Variants in FLT4 observed in about 807,000 individuals in gnomAD.
FLT4 encodes vascular endothelial growth factor receptor 3.
Under a neutral mutation model 163.2 loss-of-function variants are expected in FLT4, and 30 were observed. The ratio of observed to expected loss-of-function variants is 0.18; its 90% CI spans 0.14 to 0.25. The LOEUF (loss-of-function observed/expected upper bound fraction) is 0.25. FLT4 is among the 10% of genes least tolerant of loss of function. The pLI, the probability that FLT4 is intolerant of heterozygous loss-of-function variation, is 1.00. For missense variants in FLT4, 1,510 were observed against 1,863.8 expected (o/e 0.81, Z 3.50); for synonymous variants, 884 against 789.5 (o/e 1.12, Z -2.01).
chr5:180,643,431 G>A (rs547976730), intron 1 of FLT4, among the ~76,000 whole-genome samples: 45 of 152,260 alleles, frequency 3.0e-4, no homozygotes, highest in African/African-American at 9.9e-4. Context: ...CATTGCAGGC[G>A]TGCTGTCCCT....
chr5:180,648,779 C>CG (rs1561768843), intron 1 of FLT4, among the ~76,000 whole-genome samples: 1 of 152,222 alleles, frequency 6.6e-6, no homozygotes, highest in East Asian at 1.9e-4. Flanking sequence ...GACCCTCCCG[C>CG]GGGGGCCTCT....
intron 20 of FLT4, 28 bp from the exon 21 acceptor site, chr5:180,618,948 G>A (rs925674430): frequency 5.8e-6 from 9 of 1,562,382 alleles, no homozygotes; most frequent in Middle Eastern, 1.7e-4. Context: ...TGGCTCGAGG[G>A]CGCCCAGTCG....
At position 180,631,801 on chromosome 5, in the gene FLT4, C is replaced by T. The variant is rs773562174; in HGVS notation, c.59-23G>A. The stretch of plus-strand genomic sequence containing the variant: ...GGCCTGGGGTGGGAGACAGGGTCAG[C>T]GTGGTGCTGGGCTGTGACTTGGCAC... On this transcript the variant is annotated intron_variant, in intron 1 of 29. Transcript: ENST00000261937. The T allele has an allele frequency of 1.7e-5, 27 of 1,549,258 alleles. 1 individual carries two copies. In the Middle Eastern group the frequency reaches 2.9e-3, roughly 164 times the overall value.
intron 21 of FLT4, 32 bp from the exon 22 acceptor site, chr5:180,617,026 C>T (rs774348412): frequency 8.5e-6 from 13 of 1,521,694 alleles, no homozygotes; most frequent in South Asian, 2.2e-5. Context: ...GCTCAGGAGG[C>T]GCCTCCTCCG....
chr5:180,612,583 C>T lies in FLT4; in HGVS notation c.3460G>A (p.Gly1154Arg), dbSNP rs75614493. ...AATGCAGGTCTCGCCTTGGGGTCTC[C>T]GGACCAGCAGTTCAGCATGATGCGG... ...IRRIMLNCWS[G>R]DPKARPAFSE... The change falls in exon 26 of 30, where the codon GGA becomes AGA. Residue 1154 changes from glycine (G) to arginine (R), a missense_variant. By Grantham distance (125) the Gly-to-Arg change is moderately radical (BLOSUM62 -2). Coordinates refer to ENST00000261937, the MANE Select transcript of FLT4 (RefSeq NM_182925.5). 2,016 of 1,613,948 alleles carry T rather than the reference C, an allele frequency of 1.2e-3. 22 individuals are homozygous for T. In the African/African-American group the frequency reaches 0.017, roughly 14 times the overall value.
Position 180,607,403 on chromosome 5 carries a change from G to A in FLT4, c.3893+1565C>T, listed in dbSNP as rs1047801295. Among the ~76,000 whole-genome samples the A allele has an allele frequency of 5.3e-4, 81 of 152,258 alleles. 1 individual carries two copies. The highest frequency in any genetic ancestry group is 1.8e-3 in the African/African-American group (74 of 41,556). On this transcript the variant is annotated intron_variant, in intron 29 of 29. Coordinates refer to ENST00000261937, the MANE Select transcript of FLT4 (RefSeq NM_182925.5). The stretch of plus-strand genomic sequence containing the variant: ...TGTAATCCCAGCACTTTGGGAGGCC[G>A]AGGGCGGGCGGATCACGAGGTCAGG...
rs1230288311 is a variant in FLT4 at position 180,624,079 on chromosome 5, G to A, written c.1422-18C>T. The A allele has an allele frequency of 1.9e-6, 3 of 1,609,930 alleles. No individual in the cohort carries two copies. Among genetic ancestry groups the A allele is most frequent in the East Asian group, 2.2e-5 (1 of 44,884 alleles). ...GCCGCCGGCTGCCAGGACCAGAAGA[G>A]GCAAGGGCAGGTCAGGGATACAGGC... On this transcript the variant is annotated intron_variant, in intron 10 of 29. Transcript: ENST00000261937.
At chr5:180,625,785 G>T in intron 10 of FLT4, 84 bp downstream of exon 10, 1 of 1,292,094 alleles carries the variant, frequency 7.7e-7, no homozygotes, top group Non-Finnish European at 1.1e-6. Context: ...CCTGGGCAGT[G>T]AGGGGTGCTG....
chr5:180,621,986 G>GACTC, intron 12 of FLT4, 82 bp from the exon 13 acceptor site: 1 of 1,300,814 alleles, frequency 7.7e-7, no homozygotes, highest in Non-Finnish European at 1.1e-6. Flanking sequence ...GTCTCCTCCT[G>GACTC]CCTCCCTCCC....
rs2127827139 is a variant in FLT4 at position 180,625,976 on chromosome 5, G to A, written c.1314C>T (p.His438=). 3 of 1,612,798 alleles carry A rather than the reference G, an allele frequency of 1.9e-6. No homozygotes were observed. Among genetic ancestry groups the A allele is most frequent in the Non-Finnish European group, 2.5e-6 (3 of 1,179,958 alleles). ...EASSPSIYSR[H]SRQALTCTAY... ...CCGTGCAGGTGAGGGCCTGGCGGCT[G>A]TGACGCGAGTAGATGCTGGGGGAGG... Residue 438 remains histidine (H), a synonymous_variant, in exon 10 of 30, where the codon CAC becomes CAT. Coordinates refer to ENST00000261937, the MANE Select transcript of FLT4 (RefSeq NM_182925.5).
chr5:180,641,160 C>T (rs1010878124), intron 1 of FLT4, among the ~76,000 whole-genome samples: 3 of 152,230 alleles, frequency 2.0e-5, no homozygotes, highest in Admixed American at 2.0e-4. Context: ...CCCTCGTCCT[C>T]TGTGCCCGGC....
intron 1 of FLT4, among the ~76,000 whole-genome samples, chr5:180,642,076 G>C (rs560079414): frequency 6.6e-6 from 1 of 152,002 alleles, no homozygotes; most frequent in Non-Finnish European, 1.5e-5. Context: ...GTGTGGTGGC[G>C]GGCGCCTGCA....
intron 1 of FLT4, among the ~76,000 whole-genome samples, chr5:180,644,812 G>A (rs73812644): frequency 0.039 from 5,930 of 152,336 alleles, 164 homozygotes; most frequent in South Asian, 0.11. Flanking sequence ...ATTTAGAGTA[G>A]CTTCGAGGAC....
Position 180,626,036 on chromosome 5 carries a change from G to C in FLT4, c.1259-5C>G. ...TCTCATGTATCTGGGGGGGCACTGT[G>C]GGCACACAGATGGCCGGTCAGCTGG... On this transcript the variant is annotated splice_region_variant and splice_polypyrimidine_tract_variant and intron_variant, in intron 9 of 29. Transcript: ENST00000261937. 6.2e-7 allele frequency: 1 copy of C among 1,612,744 alleles called. No homozygotes were observed.
At chr5:180,603,793 A>G (rs1427040887) in intron 29 of FLT4, among the ~76,000 whole-genome samples, 9 of 151,952 alleles carry the variant, frequency 5.9e-5, no homozygotes, top group Admixed American at 5.9e-4. Flanking sequence ...AGTCCCAGCT[A>G]CTCGGGAGGC....
At chr5:180,644,333 G>A (rs776437961) in intron 1 of FLT4, among the ~76,000 whole-genome samples, 5 of 152,224 alleles carry the variant, frequency 3.3e-5, no homozygotes, top group Non-Finnish European at 7.3e-5. Context: ...GGGGCACGCC[G>A]GGCGTGTGGT....
intron 26 of FLT4, 21 bp downstream of exon 26, chr5:180,612,485 C>G (rs377256001): frequency 1.3e-6 from 2 of 1,578,168 alleles, no homozygotes; most frequent in Non-Finnish European, 1.7e-6. Context: ...CATAGTAGAA[C>G]AGGGTGGGGA....
In FLT4 at chr5:180,623,108, G is replaced by A. The variant is rs1474867225; in HGVS notation, c.1549-269C>T. On this transcript the variant is annotated intron_variant, in intron 11 of 29. Coordinates refer to ENST00000261937, the MANE Select transcript of FLT4 (RefSeq NM_182925.5). The surrounding 1 kb of genome is among the most constrained non-coding windows in gnomAD (Gnocchi z 5.8). ...TAGGCTGCAGTGACGTCAGAGGGCA[G>A]CCTTTGGCAGGACCAGAGAGACCTC... Among the ~76,000 whole-genome samples, 1 of 152,228 alleles carries A rather than the reference G, an allele frequency of 6.6e-6. No individual in the cohort carries two copies. Among genetic ancestry groups the A allele is most frequent in the Admixed American group, 6.5e-5 (1 of 15,294 alleles).
At chr5:180,609,091 T>C in intron 28 of FLT4, 38 bp from the exon 29 acceptor site, 2 of 1,582,656 alleles carry the variant, frequency 1.3e-6, no homozygotes, top group Non-Finnish European at 1.7e-6. Context: ...GGGTCCCGCC[T>C]GAGGCCCTCC....
Sources: allele counts gnomAD v4.1 joint callset (sites outside exome capture counted in the v4.1 genomes callset), GRCh38; gene constraint gnomAD v4.1.1; non-coding constraint Gnocchi (gnomAD v3.1); transcripts MANE v1.5; gene names NCBI Gene and HGNC (gene_info 2026-07-23, HGNC 2026-07-21).